The following ATP10A variants were observed in gnomAD, a reference collection of about 807,000 sequenced individuals.
The protein encoded by ATP10A is ATPase phospholipid transporting 10A (putative).
ATP10A carries 111 observed loss-of-function variants against 147.8 expected under a neutral mutation model. The observed-to-expected ratio is 0.75, with a 90% confidence interval of 0.64 to 0.88. The LOEUF (loss-of-function observed/expected upper bound fraction) is 0.88. Ranked by LOEUF, ATP10A falls within the 40% of genes least tolerant of loss-of-function variation. ATP10A has a pLI of 0.00. For synonymous variants in ATP10A, 875 were observed against 841.6 expected, an observed-to-expected ratio of 1.04 and a Z score of -0.69; for missense variants, 1,927 against 1,959.0, an observed-to-expected ratio of 0.98 and a Z score of 0.31.
Position 25,713,751 on chromosome 15 carries a change from G to A in ATP10A, c.2267C>T (p.Pro756Leu), listed in dbSNP as rs749423426. ...RKRMSVVIRHPLTDEINVYTK... is the reference protein window; with the variant it reads ...RKRMSVVIRHLLTDEINVYTK... The stretch of plus-strand genomic sequence containing the variant: ...GTAGACGTTGATCTCATCGGTAAGC[G>A]GGTGCCGGATCACCACTGACATCCT... The change falls in exon 10 of 21, where the codon CCG (proline) becomes CTG (leucine). Residue 756 changes from proline (P) to leucine (L), a missense_variant. By Grantham distance (98) the Pro-to-Leu change is moderately conservative (BLOSUM62 -3). Coordinates refer to ENST00000555815, the MANE Select transcript of ATP10A (RefSeq NM_024490.4). 1.5e-5 allele frequency: 24 copies of A among 1,613,916 alleles called. No homozygotes were observed. The highest frequency in any genetic ancestry group is 2.2e-5 in the South Asian group (2 of 91,080).
chr15:25,775,084 T>C (rs138430987), intron 2 of ATP10A, among the ~76,000 whole-genome samples: 11 of 152,304 alleles, frequency 7.2e-5, no homozygotes, highest in Middle Eastern at 3.4e-3. Context: ...ACTTAGATGA[T>C]AGATTATGCT....
At chr15:25,804,659 G>A (rs1045117936) in intron 1 of ATP10A, among the ~76,000 whole-genome samples, 1 of 152,150 alleles carries the variant, frequency 6.6e-6, no homozygotes, top group East Asian at 1.9e-4. Context: ...CAGGTGCCTG[G>A]AAAAGCATCT....
intron 1 of ATP10A, among the ~76,000 whole-genome samples, chr15:25,815,253 G>A (rs572892144): frequency 6.6e-6 from 1 of 152,174 alleles, no homozygotes; most frequent in Non-Finnish European, 1.5e-5. Flanking sequence ...CTGATAAAGG[G>A]AGATCATCAG....
intron 14 of ATP10A, among the ~76,000 whole-genome samples, chr15:25,693,961 C>T (rs1900170539): frequency 6.6e-6 from 1 of 152,188 alleles, no homozygotes; most frequent in Admixed American, 6.5e-5. Context: ...GATTGATTGG[C>T]GAGGGTACTT....
chr15:25,733,876 G>A (rs565845469), intron 3 of ATP10A, among the ~76,000 whole-genome samples: 1 of 152,374 alleles, frequency 6.6e-6, no homozygotes, highest in Admixed American at 6.5e-5. Context: ...CAACATGCCG[G>A]TGAGGACACC....
intron 14 of ATP10A, among the ~76,000 whole-genome samples, chr15:25,693,703 G>A (rs376070414): frequency 1.3e-5 from 2 of 152,178 alleles, no homozygotes; most frequent in Non-Finnish European, 2.9e-5. Flanking sequence ...TAGGTTCCCC[G>A]GGCCTCCTGA....
At chr15:25,816,645 C>G (rs1172891450) in intron 1 of ATP10A, among the ~76,000 whole-genome samples, 5 of 152,176 alleles carry the variant, frequency 3.3e-5, no homozygotes, top group Admixed American at 3.3e-4. Context: ...ACTTCTTTCC[C>G]TAACCTTGCA....
At chr15:25,765,527 C>T (rs75405018) in intron 2 of ATP10A, among the ~76,000 whole-genome samples, 1,637 of 152,252 alleles carry the variant, frequency 0.011, 38 homozygotes, top group African/African-American at 0.037. Context: ...TCCCTCACCG[C>T]GGCACTACAG....
At chr15:25,820,416 A>G (rs1567408767) in intron 1 of ATP10A, among the ~76,000 whole-genome samples, 2 of 152,222 alleles carry the variant, frequency 1.3e-5, no homozygotes. Flanking sequence ...CGTGTCTTAA[A>G]CAGAAACACA....
At chr15:25,739,172 C>T (rs1266805248) in intron 2 of ATP10A, among the ~76,000 whole-genome samples, 1 of 152,174 alleles carries the variant, frequency 6.6e-6, no homozygotes, top group Non-Finnish European at 1.5e-5. Context: ...TGGGTTCAAG[C>T]GATTCTCCTG....
At position 25,737,079 on chromosome 15, in the gene ATP10A, G is replaced by A. The variant is rs895009714; in HGVS notation, c.655-938C>T. Among the ~76,000 whole-genome samples, 10 of 152,186 alleles carry A rather than the reference G, an allele frequency of 6.6e-5. No homozygotes were observed. In the South Asian group the frequency reaches 1.0e-3, roughly 16 times the overall value. Reference sequence around the variant, plus strand: ...TTCCTACTGTTTCCCAGTGTAAAGCGTACATTAAAAGGGGCGTGTGCTAGA... The same window carrying A: ...TTCCTACTGTTTCCCAGTGTAAAGCATACATTAAAAGGGGCGTGTGCTAGA... On this transcript the variant is annotated intron_variant, in intron 2 of 20. Transcript: ENST00000555815.
intron 12 of ATP10A, among the ~76,000 whole-genome samples, chr15:25,702,340 G>A (rs1397795891): frequency 1.3e-5 from 2 of 152,350 alleles, no homozygotes; most frequent in Non-Finnish European, 2.9e-5. Flanking sequence ...TGACTCAGTC[G>A]AGTGCGTAGG....
At chr15:25,755,941 C>T (rs1298806253) in intron 2 of ATP10A, among the ~76,000 whole-genome samples, 1 of 152,218 alleles carries the variant, frequency 6.6e-6, no homozygotes, top group Non-Finnish European at 1.5e-5. Flanking sequence ...ACTTAAACCA[C>T]TAGAAACTTT....
chr15:25,675,696 A>G (rs944198001), downstream of ATP10A, among the ~76,000 whole-genome samples: 1 of 152,230 alleles, frequency 6.6e-6, no homozygotes, highest in Non-Finnish European at 1.5e-5. Context: ...CTGTAACCCC[A>G]GCACTTTGGG....
intron 1 of ATP10A, among the ~76,000 whole-genome samples, chr15:25,794,779 G>A (rs1890590439): frequency 6.6e-6 from 1 of 152,250 alleles, no homozygotes; most frequent in South Asian, 2.1e-4. Context: ...GTAAAATACA[G>A]TGAGAAGGGC....
chr15:25,705,082 G>A (rs1402565643), intron 12 of ATP10A, among the ~76,000 whole-genome samples: 1 of 152,190 alleles, frequency 6.6e-6, no homozygotes, highest in Non-Finnish European at 1.5e-5. Context: ...AATTTCAAGA[G>A]CATGGAGAGA....
At chr15:25,737,545 G>T (rs1887353931) in intron 2 of ATP10A, among the ~76,000 whole-genome samples, 1 of 152,134 alleles carries the variant, frequency 6.6e-6, no homozygotes, top group African/African-American at 2.4e-5. Context: ...GCCCTGGGGA[G>T]TGTGCGCAGG....
At position 25,718,172 on chromosome 15, in the gene ATP10A, G is replaced by T. The variant is rs1449618939; in HGVS notation, c.1581+10C>A. 1.2e-6 allele frequency: 2 copies of T among 1,611,834 alleles called. No individual in the cohort carries two copies. Among genetic ancestry groups the T allele is most frequent in the Non-Finnish European group, 1.7e-6 (2 of 1,179,090 alleles). On this transcript the variant is annotated intron_variant, in intron 8 of 20. Transcript: ENST00000555815. ...TGGCAGCACCCTAGCAGGAGGCCCT[G>T]TACACTCACCATGGGGCTGCTGAAG...
At chr15:25,791,666 T>C (rs1298807176) in intron 1 of ATP10A, among the ~76,000 whole-genome samples, 1 of 152,178 alleles carries the variant, frequency 6.6e-6, no homozygotes, top group Non-Finnish European at 1.5e-5. Flanking sequence ...TGATTACAGG[T>C]GTGAGCCACC....
Sources: allele counts gnomAD v4.1 joint callset (sites outside exome capture counted in the v4.1 genomes callset), GRCh38; gene constraint gnomAD v4.1.1; transcripts MANE v1.5; gene names NCBI Gene and HGNC (gene_info 2026-07-23, HGNC 2026-07-21).